The following SRRM4 variants were observed in gnomAD, a reference collection of about 807,000 sequenced individuals.
SRRM4 encodes the protein serine/arginine repetitive matrix 4, also known as serine/arginine repetitive matrix protein 4.
Under a neutral mutation model 68.9 loss-of-function variants are expected in SRRM4, and 33 were observed. The ratio of observed to expected loss-of-function variants is 0.48; its 90% CI spans 0.36 to 0.64. The LOEUF (loss-of-function observed/expected upper bound fraction) is 0.64, where lower values mean the gene tolerates loss of function less well. Ranked by LOEUF, SRRM4 falls within the 30% of genes least tolerant of loss-of-function variation. The pLI, the probability that SRRM4 is intolerant of heterozygous loss-of-function variation, is 0.00. For synonymous variants in SRRM4, 318 were observed against 318.8 expected (o/e 1.00, Z 0.03); for missense variants, 817 against 827.1 (o/e 0.99, Z 0.15).
chr12:118,997,024 C>T (rs893019921), intron 1 of SRRM4, among the ~76,000 whole-genome samples: 5 of 152,154 alleles, frequency 3.3e-5, no homozygotes, highest in South Asian at 2.1e-4. Context: ...ACTGGGCAAT[C>T]GCTCAGAAGA....
chr12:119,125,180 G>A (rs1592908065), intron 6 of SRRM4, among the ~76,000 whole-genome samples: 1 of 152,144 alleles, frequency 6.6e-6, no homozygotes, highest in East Asian at 1.9e-4. Context: ...CCCGTATTCA[G>A]TACCATTGGT....
rs1403333575 is a variant in SRRM4, at chr12:119,156,834, G to A, written c.*36G>A. 6 of 1,484,290 alleles carry A rather than the reference G, an allele frequency of 4.0e-6. No individual in the cohort carries two copies. In the South Asian group the frequency reaches 5.4e-5, roughly 13 times the overall value. The allele number at this position is 1,484,290 out of a possible 1,614,324, so 91.9% of individuals were successfully genotyped here. On this transcript the variant is annotated 3_prime_UTR_variant, in exon 13 of 13. Transcript: ENST00000267260. ...GCCAGCTGCCCGTGGGGGCCCCTTC[G>A]CGCTGCCAGCCTCCCCCAACCACCT... is the stretch of plus-strand genomic sequence containing the variant.
chr12:119,079,869 T>C (rs977171287), intron 1 of SRRM4, among the ~76,000 whole-genome samples: 10 of 137,844 alleles, frequency 7.3e-5, no homozygotes, highest in South Asian at 4.7e-4. Flanking sequence ...CAAGGCCGTA[T>C]ATGAAATGAA....
intron 1 of SRRM4, among the ~76,000 whole-genome samples, chr12:119,078,822 CTGG>C (rs1328997590): frequency 2.6e-5 from 4 of 152,062 alleles, no homozygotes; most frequent in Non-Finnish European, 4.4e-5. Context: ...CCCAGCTACT[CTGG>C]AGGCTGAGGC....
At chr12:119,109,680 A>G (rs1954130484) in intron 2 of SRRM4, among the ~76,000 whole-genome samples, 1 of 152,178 alleles carries the variant, frequency 6.6e-6, no homozygotes, top group Non-Finnish European at 1.5e-5. Flanking sequence ...AGGTCATTTA[A>G]GGTCTTCTCT....
chr12:119,116,866 A>C, intron 3 of SRRM4, 71 bp from the exon 4 acceptor site: 1 of 1,309,768 alleles, frequency 7.6e-7, no homozygotes, highest in Non-Finnish European at 1.1e-6. Flanking sequence ...AGGACTGGGG[A>C]AGGTTCTTTT....
chr12:119,120,752 A>C (rs958453964), intron 5 of SRRM4, among the ~76,000 whole-genome samples: 1 of 151,662 alleles, frequency 6.6e-6, no homozygotes, highest in African/African-American at 2.4e-5. Flanking sequence ...AATTCTCATT[A>C]ATCCCTACCA....
chr12:119,047,669 A>G (rs1373608706), intron 1 of SRRM4, among the ~76,000 whole-genome samples: 1 of 152,204 alleles, frequency 6.6e-6, no homozygotes, highest in Admixed American at 6.5e-5. Flanking sequence ...ACATGCACTC[A>G]TTTCCCTGGA....
At chr12:119,045,976 T>C (rs1227908308) in intron 1 of SRRM4, among the ~76,000 whole-genome samples, 2 of 152,050 alleles carry the variant, frequency 1.3e-5, no homozygotes, top group African/African-American at 4.8e-5. Flanking sequence ...AGGCAGAGGT[T>C]GCAGTGAGCT....
rs767647632 is a variant in SRRM4, at chr12:118,982,040, G to T, written c.131+27G>T. On this transcript the variant is annotated intron_variant, in intron 1 of 12. Coordinates refer to ENST00000267260, the MANE Select transcript of SRRM4 (RefSeq NM_194286.4). The stretch of plus-strand genomic sequence containing the variant: ...TAATGATCTCCTTCTTAGAAGGGGG[G>T]ATCCTGAAGGTCCTCCTTTCTGGCC... 2.5e-6 allele frequency: 4 copies of T among 1,591,854 alleles called. No homozygotes were observed. In the South Asian group the frequency reaches 3.4e-5, roughly 14 times the overall value.
At chr12:119,097,959 T>C (rs1282361567) in intron 1 of SRRM4, among the ~76,000 whole-genome samples, 6 of 152,240 alleles carry the variant, frequency 3.9e-5, no homozygotes, top group Non-Finnish European at 2.9e-5. Flanking sequence ...GTGGTATCGA[T>C]TTATTTTCTA....
chr12:119,027,286 T>A (rs2136004388), intron 1 of SRRM4, among the ~76,000 whole-genome samples: 1 of 152,360 alleles, frequency 6.6e-6, no homozygotes, highest in East Asian at 1.9e-4. Flanking sequence ...TAGGGCTTTC[T>A]GTTTCTAAAC....
At position 119,130,737 on chromosome 12, in the gene SRRM4, G is replaced by A; in HGVS notation, c.674G>A (p.Cys225Tyr). Residue 225 changes from cysteine to tyrosine, a missense_variant, in exon 8 of 13, where the codon TGC becomes TAC. Physicochemically the swap from Cys to Tyr is radical, Grantham distance 194. Transcript: ENST00000267260. ...TCCCGCCGAAGGCACTCCCGCCGCT[G>A]CTCCAAGACCCTCTGCAAGGACAGC... Reference protein sequence around the residue: ...QKSRRRHSRRCSKTLCKDSPE... With the variant: ...QKSRRRHSRRYSKTLCKDSPE... The A allele has an allele frequency of 6.2e-7, 1 of 1,611,428 alleles. No homozygotes were observed. The highest frequency in any genetic ancestry group is 8.5e-7 in the Non-Finnish European group (1 of 1,179,822).
chr12:119,020,409 T>A (rs1953509297), intron 1 of SRRM4, among the ~76,000 whole-genome samples: 1 of 152,222 alleles, frequency 6.6e-6, no homozygotes, highest in Non-Finnish European at 1.5e-5. Flanking sequence ...TAGATAAAAA[T>A]CTGTTGTCTA....
chr12:119,044,869 G>A (rs1953695155), intron 1 of SRRM4, among the ~76,000 whole-genome samples: 2 of 152,168 alleles, frequency 1.3e-5, no homozygotes, highest in African/African-American at 4.8e-5. Context: ...TGGGGGCATA[G>A]TGGGTATGAA....
chr12:119,027,400 G>T (rs1396365714), intron 1 of SRRM4, among the ~76,000 whole-genome samples: 3 of 152,208 alleles, frequency 2.0e-5, no homozygotes, highest in South Asian at 2.1e-4. Context: ...CTTCCTGAAA[G>T]GTCACGTCCC....
chr12:119,054,994 C>T (rs1365734830), intron 1 of SRRM4, among the ~76,000 whole-genome samples: 3 of 152,148 alleles, frequency 2.0e-5, no homozygotes, highest in Non-Finnish European at 4.4e-5. Flanking sequence ...TTAAAATGAC[C>T]AGGGTGGGGT....
intron 7 of SRRM4, 66 bp downstream of exon 7, chr12:119,125,545 C>A: frequency 7.0e-7 from 1 of 1,424,400 alleles, no homozygotes. Context: ...ACACTGTTAA[C>A]ACTAGCTTCG....
intron 1 of SRRM4, among the ~76,000 whole-genome samples, chr12:119,025,470 G>A (rs1395114676): frequency 2.0e-5 from 3 of 151,950 alleles, no homozygotes; most frequent in South Asian, 4.2e-4. Context: ...TTGAGACTGA[G>A]TTTCACTCTT....
Sources: allele counts gnomAD v4.1 joint callset (sites outside exome capture counted in the v4.1 genomes callset), GRCh38; gene constraint gnomAD v4.1.1; transcripts MANE v1.5; gene names NCBI Gene and HGNC (gene_info 2026-07-23, HGNC 2026-07-21).